The following IQCH variants were observed in gnomAD, a reference collection of about 807,000 sequenced individuals.
IQCH encodes the protein IQ motif containing H.
Under a neutral mutation model 117.0 loss-of-function variants are expected in IQCH, and 98 were observed. The ratio of observed to expected loss-of-function variants is 0.84; its 90% CI spans 0.71 to 0.99. The LOEUF (loss-of-function observed/expected upper bound fraction) is 0.99. Ranked by LOEUF, IQCH falls within the 50% of genes least tolerant of loss-of-function variation. The pLI is 0.00. For missense variants in IQCH, 1,102 were observed against 1,243.8 expected (o/e 0.89, Z 1.72); for synonymous variants, 412 against 448.2 (o/e 0.92, Z 1.02).
At chr15:67,357,503 T>C (rs1969941788) in intron 7 of IQCH, 82 bp downstream of exon 7, 1 of 904,646 alleles carries the variant, frequency 1.1e-6, no homozygotes, top group Non-Finnish European at 1.8e-6. Flanking sequence ...TTACACGTTA[T>C]TGAGTTGTAC....
At position 67,473,229 on chromosome 15, in the gene IQCH, T is replaced by C. The variant is rs917907222; in HGVS notation, c.2677-2467T>C. On this transcript the variant is annotated intron_variant, in intron 17 of 20. Coordinates refer to ENST00000335894, the MANE Select transcript of IQCH (RefSeq NM_001031715.3). The surrounding 1 kb of genome is among the most constrained non-coding windows in gnomAD (Gnocchi z 4.9). ...TGAGAGTGTTTACAGTTCACTTCCA[T>C]GTGCAAAAGCCCATGCTTCTGGGCT... Among the ~76,000 whole-genome samples, 1 of 152,184 alleles carries C rather than the reference T, an allele frequency of 6.6e-6. No homozygotes were observed.
Position 67,376,377 on chromosome 15 carries a change from TC to T in IQCH, c.1372+2945del, listed in dbSNP as rs1334694581. Among the ~76,000 whole-genome samples, 1 of 152,240 alleles carries T rather than the reference TC, an allele frequency of 6.6e-6. No individual in the cohort carries two copies. The highest frequency in any genetic ancestry group is 6.5e-5 in the Admixed American group (1 of 15,286). ...TCTAAATGTACTGGAAGAAAACTAA[TC>T]TATTCAATCTAGTAATTTCATTTCC... On this transcript the variant is annotated intron_variant, in intron 10 of 20. Coordinates refer to ENST00000335894, the MANE Select transcript of IQCH (RefSeq NM_001031715.3). The surrounding 1 kb of genome is among the most constrained non-coding windows in gnomAD (Gnocchi z 5.0).
At chr15:67,398,617 G>A (rs1276211524) in intron 13 of IQCH, among the ~76,000 whole-genome samples, 6 of 151,994 alleles carry the variant, frequency 3.9e-5, no homozygotes, top group Non-Finnish European at 7.4e-5. Flanking sequence ...AAGATTTGCT[G>A]GACAGATACA....
intron 5 of IQCH, among the ~76,000 whole-genome samples, chr15:67,340,453 A>AC (rs1555456406): frequency 4.3e-4 from 56 of 130,536 alleles, no homozygotes; most frequent in East Asian, 2.1e-3. Flanking sequence ...AAAAAAAAAA[A>AC]AAAAAAAAAA....
In IQCH at chr15:67,457,879, C is replaced by A. The variant is rs1301625478; in HGVS notation, c.2506-7248C>A. On this transcript the variant is annotated intron_variant, in intron 16 of 20. Transcript: ENST00000335894. This position sits in a 1 kb window ranked among gnomAD's most constrained non-coding sequence, Gnocchi z 5.7. ...CTGTTGTCACTTTTCCCCTACCAAG[C>A]TGCCCCTGTCCTTCTCCACCTTACT... Among the ~76,000 whole-genome samples the A allele has an allele frequency of 6.6e-6, 1 of 152,208 alleles. No individual in the cohort carries two copies.
rs113064125 is a variant in IQCH at position 67,355,775 on chromosome 15, C to G, written c.638-1570C>G. Among the ~76,000 whole-genome samples, 877 of 152,164 alleles carry G rather than the reference C, an allele frequency of 5.8e-3. 11 individuals carry two copies. The highest frequency in any genetic ancestry group is 0.02 in the African/African-American group (839 of 41,542). ...TTTGTAAAAATGCAGACACATTCCT[C>G]AAATGCATGTGTCTCATAAAATCCA... On this transcript the variant is annotated intron_variant, in intron 6 of 20. Transcript: ENST00000335894.
At chr15:67,419,266 A>G (rs1309638874) in intron 15 of IQCH, among the ~76,000 whole-genome samples, 1 of 152,196 alleles carries the variant, frequency 6.6e-6, no homozygotes, top group Non-Finnish European at 1.5e-5. Context: ...TAGATCCTAC[A>G]ATTTTAGTAC....
chr15:67,421,041 T>A (rs915638850), intron 15 of IQCH, among the ~76,000 whole-genome samples: 2 of 152,210 alleles, frequency 1.3e-5, no homozygotes, highest in African/African-American at 4.8e-5. Context: ...GAATCAAAAT[T>A]ACCATTCATT....
intron 18 of IQCH, among the ~76,000 whole-genome samples, chr15:67,486,224 G>C (rs2083476527): frequency 6.6e-6 from 1 of 150,680 alleles, no homozygotes; most frequent in South Asian, 2.1e-4. Context: ...ATTTTTAATA[G>C]AGACAGCATT....
chr15:67,379,372 TA>T (rs1970843856), intron 10 of IQCH, among the ~76,000 whole-genome samples: 1 of 152,226 alleles, frequency 6.6e-6, no homozygotes, highest in African/African-American at 2.4e-5. Context: ...ATCATATTAA[TA>T]AACTTTTTGT....
chr15:67,445,402 C>T lies in IQCH; in HGVS notation c.2506-19725C>T, dbSNP rs2082368512. Reference sequence around the variant, plus strand: ...GACTTTATCTTCCCCTGTCATGTTACATTCCTATCCCACCCCAGAGTACCT... The same window carrying T: ...GACTTTATCTTCCCCTGTCATGTTATATTCCTATCCCACCCCAGAGTACCT... On this transcript the variant is annotated intron_variant, in intron 16 of 20. Coordinates refer to ENST00000335894, the MANE Select transcript of IQCH (RefSeq NM_001031715.3). The surrounding 1 kb of genome is among the most constrained non-coding windows in gnomAD (Gnocchi z 4.3). 1.3e-5 allele frequency among the ~76,000 whole-genome samples: 2 copies of T among 152,120 alleles called. No homozygotes were observed.
rs148433676 is a variant in IQCH, at chr15:67,459,322, G to C, written c.2506-5805G>C. ...TTATTTGATCTATAAATTAGTCTCT[G>C]AGTCCCATACGTGCCCTGATGCCCA... is the stretch of plus-strand genomic sequence containing the variant. On this transcript the variant is annotated intron_variant, in intron 16 of 20. Transcript: ENST00000335894. This position sits in a 1 kb window ranked among gnomAD's most constrained non-coding sequence, Gnocchi z 4.2. Among the ~76,000 whole-genome samples, 23 of 152,310 alleles carry C rather than the reference G, an allele frequency of 1.5e-4. 1 individual carries two copies. In the East Asian group the frequency reaches 4.2e-3, roughly 28 times the overall value.
rs1457531221 is a variant in IQCH at position 67,314,410 on chromosome 15, A to C, written c.388-22565A>C. 2.6e-5 allele frequency among the ~76,000 whole-genome samples: 4 copies of C among 151,730 alleles called. No individual in the cohort carries two copies. In the South Asian group the frequency reaches 6.2e-4, roughly 24 times the overall value. On this transcript the variant is annotated intron_variant, in intron 4 of 20. Coordinates refer to ENST00000335894, the MANE Select transcript of IQCH (RefSeq NM_001031715.3). ...AATCTAATAATGCACAGAAATGCCC[A>C]AGAGACTATCTTAATCCAAATGTTT...
Position 67,456,862 on chromosome 15 carries a change from C to G in IQCH, c.2506-8265C>G, listed in dbSNP as rs1390932968. On this transcript the variant is annotated intron_variant, in intron 16 of 20. Transcript: ENST00000335894. This position sits in a 1 kb window ranked among gnomAD's most constrained non-coding sequence, Gnocchi z 5.1. ...ACAGATGGTTTGCAGCCTCTTACCCCACCCACTCCAAACACCCCATAGAAG... is the reference window on the plus strand; with the variant it reads ...ACAGATGGTTTGCAGCCTCTTACCCGACCCACTCCAAACACCCCATAGAAG... 6.6e-6 allele frequency among the ~76,000 whole-genome samples: 1 copy of G among 152,092 alleles called. No individual in the cohort carries two copies. The highest frequency in any genetic ancestry group is 1.5e-5 in the Non-Finnish European group (1 of 68,022).
intron 1 of IQCH, 133 bp downstream of exon 1, chr15:67,255,080 C>A: frequency 1.2e-6 from 1 of 829,644 alleles, no homozygotes; most frequent in Non-Finnish European, 2.0e-6. Flanking sequence ...GCGAGAGGCT[C>A]CCAAAAATGC....
At chr15:67,421,251 T>C (rs773156081) in intron 15 of IQCH, 40 bp from the exon 16 acceptor site, 1 of 1,559,210 alleles carries the variant, frequency 6.4e-7, no homozygotes, top group Admixed American at 1.8e-5. Flanking sequence ...TCAAACAAAA[T>C]GCATGTGTCC....
chr15:67,382,073 T>C (rs1383843248), intron 10 of IQCH, among the ~76,000 whole-genome samples: 1 of 152,152 alleles, frequency 6.6e-6, no homozygotes, highest in Non-Finnish European at 1.5e-5. Flanking sequence ...GTGCCTGCTC[T>C]AACATAGCTA....
intron 17 of IQCH, among the ~76,000 whole-genome samples, chr15:67,471,751 C>A (rs1484704677): frequency 6.6e-6 from 1 of 152,208 alleles, no homozygotes; most frequent in Non-Finnish European, 1.5e-5. Context: ...CTCATCTAAT[C>A]CTCCTCTCAA....
chr15:67,482,097 C>A (rs983196370), intron 18 of IQCH, among the ~76,000 whole-genome samples: 2 of 152,208 alleles, frequency 1.3e-5, no homozygotes, highest in Non-Finnish European at 2.9e-5. Flanking sequence ...CTAATATCCA[C>A]TTCAGATGTG....
Sources: gnomAD v4.1 joint callset for allele counts (sites outside exome capture counted in the v4.1 genomes callset) on GRCh38, gnomAD v4.1.1 for gene constraint, Gnocchi (gnomAD v3.1) non-coding constraint, MANE v1.5 for transcripts, NCBI Gene and HGNC (gene_info 2026-07-23, HGNC 2026-07-21) for gene names.